MAST4: variants seen among roughly 807,000 people sequenced by gnomAD.
The protein encoded by MAST4 is microtubule associated serine/threonine kinase family member 4, also known as microtubule-associated serine/threonine-protein kinase 4.
In MAST4, 89 loss-of-function variants were observed where a neutral mutation model predicts 162.7. The observed-to-expected ratio is 0.55, with a 90% confidence interval of 0.46 to 0.65. The LOEUF (loss-of-function observed/expected upper bound fraction) is 0.65. Among genes scored for constraint, MAST4 ranks in the 30% least tolerant of loss-of-function variants. The probability of loss-of-function intolerance (pLI) is 0.00; values close to 1 mark genes in which losing one functional copy is unlikely to be tolerated. For synonymous variants in MAST4, 1,479 were observed against 1,361.1 expected, an observed-to-expected ratio of 1.09 and a Z score of -1.91; for missense variants, 3,153 against 3,374.0, an observed-to-expected ratio of 0.93 and a Z score of 1.62.
intron 14 of MAST4, among the ~76,000 whole-genome samples, chr5:67,128,303 A>AAG (rs1768508577): frequency 6.6e-6 from 1 of 152,182 alleles, no homozygotes. Flanking sequence ...GGTCATCCTG[A>AAG]AGAGTACCAC....
chr5:67,054,622 G>A (rs188465859), intron 5 of MAST4, 130 bp downstream of exon 5: 11 of 809,376 alleles, frequency 1.4e-5, no homozygotes, highest in Admixed American at 6.3e-5. Flanking sequence ...TTATCCCTAA[G>A]TTGTTCTTTG....
chr5:67,126,555 G>A (rs1010101711), intron 14 of MAST4, among the ~76,000 whole-genome samples: 1 of 152,144 alleles, frequency 6.6e-6, no homozygotes, highest in African/African-American at 2.4e-5. Flanking sequence ...GATGGTTGTA[G>A]ATATATGGCA....
At chr5:67,025,637 T>C (rs190784891) in intron 4 of MAST4, among the ~76,000 whole-genome samples, 6 of 152,264 alleles carry the variant, frequency 3.9e-5, no homozygotes, top group East Asian at 3.9e-4. Flanking sequence ...CCTGGCATAA[T>C]TGAGGGGATG....
chr5:66,921,312 T>C (rs1764517677), intron 4 of MAST4, among the ~76,000 whole-genome samples: 1 of 152,146 alleles, frequency 6.6e-6, no homozygotes, highest in South Asian at 2.1e-4. Context: ...TTCAAAGCGG[T>C]ACTCCATAAA....
chr5:67,031,226 C>G (rs1053403753), intron 4 of MAST4, among the ~76,000 whole-genome samples: 6 of 152,136 alleles, frequency 3.9e-5, no homozygotes, highest in African/African-American at 1.4e-4. Context: ...TGCATAGATA[C>G]AGAGAATCTG....
chr5:67,163,562 G>A lies in MAST4; in HGVS notation c.4383G>A (p.Leu1461=), dbSNP rs1474447603. 5 of 1,595,650 alleles carry A rather than the reference G, an allele frequency of 3.1e-6. No homozygotes were observed. The highest frequency in any genetic ancestry group is 2.7e-5 in the African/African-American group (2 of 74,572). The change falls in exon 29 of 29, where the codon CTG becomes CTA. Residue 1461 remains leucine (L), a synonymous_variant. Coordinates refer to ENST00000403625, the MANE Select transcript of MAST4 (RefSeq NM_001164664.2). The surrounding 1 kb of genome is among the most constrained non-coding windows in gnomAD (Gnocchi z 7.0). ...SPSYGSDKKH[L]CSRKHSLEVT... is the part of the protein sequence containing the mutation. ...CTTACGGCAGTGACAAGAAGCACCTGTGCTCCCGCAAGCACAGCCTGGAGG... is the reference window on the plus strand; with the variant it reads ...CTTACGGCAGTGACAAGAAGCACCTATGCTCCCGCAAGCACAGCCTGGAGG...
chr5:67,144,768 C>G lies in MAST4; in HGVS notation c.2830C>G (p.Leu944Val), dbSNP rs890576872. Residue 944 changes from leucine to valine, a missense_variant, in exon 22 of 29, where the codon CTG (leucine) becomes GTG (valine). By Grantham distance (32) the Leu-to-Val change is conservative. This residue lies in a region of MAST4 where 619 missense variants were observed against 744.2 expected (regional missense o/e 0.83). Coordinates refer to ENST00000403625, the MANE Select transcript of MAST4 (RefSeq NM_001164664.2). ...CACCACCTTGCCATCCACAGAAACA[C>G]TGAGCTGGAGTTCAGAATATTCTGA... ...KSTTLPSTET[L>V]SWSSEYSEMQ... is the part of the protein sequence containing the mutation. 3.1e-6 allele frequency: 5 copies of G among 1,612,540 alleles called. No homozygotes were observed. The South Asian group carries it at 5.5e-5, about 18-fold the overall frequency.
chr5:67,074,097 C>T (rs1228883283), intron 5 of MAST4, among the ~76,000 whole-genome samples: 4 of 151,406 alleles, frequency 2.6e-5, no homozygotes, highest in African/African-American at 4.9e-5. Context: ...TCATAAAGAG[C>T]TTTTTTTAAT....
intron 4 of MAST4, chr5:67,003,811 G>A (rs1751573557): frequency 6.6e-6 from 1 of 152,210 alleles, no homozygotes; most frequent in Non-Finnish European, 1.5e-5. Flanking sequence ...TAAATGCCAG[G>A]TAGTGTCTTT....
chr5:66,870,866 G>C (rs776935861), intron 3 of MAST4: 3 of 471,390 alleles, frequency 6.4e-6, no homozygotes, highest in Middle Eastern at 3.2e-4. Context: ...AGTGTGTCCT[G>C]TTGCCCTGGG....
rs922292168 is a variant in MAST4 at position 66,791,084 on chromosome 5, C to A, written c.642+2290C>A. 2.3e-4 allele frequency among the ~76,000 whole-genome samples: 35 copies of A among 152,206 alleles called. 1 individual carries two copies. Among genetic ancestry groups the A allele is most frequent in the Non-Finnish European group, 4.4e-5 (3 of 68,038 alleles). ...TGTTGCCCAGGCTGGAGTGCAGTAG[C>A]ACAGTCTTGGCTCACTGCAACCTCT... is the stretch of plus-strand genomic sequence containing the variant. On this transcript the variant is annotated intron_variant, in intron 3 of 28. Transcript: ENST00000403625.
chr5:66,706,617 T>G (rs1297845018), intron 1 of MAST4, among the ~76,000 whole-genome samples: 2 of 152,082 alleles, frequency 1.3e-5, no homozygotes, highest in African/African-American at 2.4e-5. Flanking sequence ...AATTTTTTTT[T>G]TTTTTGTTGA....
chr5:66,847,840 A>AAAAAAAAAAAAAAAAAAAAAAAAAAAAAC (rs1561378445), intron 3 of MAST4, among the ~76,000 whole-genome samples: 1 of 150,976 alleles, frequency 6.6e-6, no homozygotes, highest in South Asian at 2.1e-4. Flanking sequence ...AAAAAAAAAA[A>AAAAAAAAAAAAAAAAAAAAAAAAAAAAAC]AAAGAAAAAC....
At chr5:66,783,081 C>T (rs914133457) in intron 2 of MAST4, among the ~76,000 whole-genome samples, 19 of 152,268 alleles carry the variant, frequency 1.2e-4, no homozygotes, top group African/African-American at 4.3e-4. Flanking sequence ...TTAACAGACC[C>T]TCCAATTTAT....
chr5:66,978,620 C>A (rs779675923), intron 4 of MAST4, among the ~76,000 whole-genome samples: 32 of 152,034 alleles, frequency 2.1e-4, no homozygotes, highest in Non-Finnish European at 3.7e-4. Flanking sequence ...TGATTCGGGG[C>A]TAAGTACATG....
intron 1 of MAST4, among the ~76,000 whole-genome samples, chr5:66,613,992 C>T (rs1743471193): frequency 6.6e-6 from 1 of 152,292 alleles, no homozygotes; most frequent in African/African-American, 2.4e-5. Context: ...ATTTATAAAG[C>T]AAGGCAGCCA....
intron 4 of MAST4, among the ~76,000 whole-genome samples, chr5:66,985,110 A>C (rs1380496131): frequency 6.6e-6 from 1 of 152,142 alleles, no homozygotes. Context: ...TTGAAATATC[A>C]TGCTGAGGAT....
At chr5:66,850,629 G>A (rs191388549) in intron 3 of MAST4, among the ~76,000 whole-genome samples, 1 of 152,206 alleles carries the variant, frequency 6.6e-6, no homozygotes, top group East Asian at 1.9e-4. Context: ...TTACCTTCAG[G>A]ATATGTGTAT....
intron 3 of MAST4, among the ~76,000 whole-genome samples, chr5:66,892,358 G>A (rs557046886): frequency 6.6e-6 from 1 of 151,950 alleles, no homozygotes; most frequent in African/African-American, 2.4e-5. Context: ...TCTATTCCAG[G>A]CCTTTTCACA....
Sources: allele counts gnomAD v4.1 joint callset (sites outside exome capture counted in the v4.1 genomes callset), GRCh38; gene constraint gnomAD v4.1.1; regional missense constraint gnomAD v4.1.1; non-coding constraint Gnocchi (gnomAD v3.1); transcripts MANE v1.5; gene names NCBI Gene and HGNC (gene_info 2026-07-23, HGNC 2026-07-21).